DYRK1A: variants seen among roughly 807,000 people sequenced by gnomAD.
The protein encoded by DYRK1A is dual specificity tyrosine phosphorylation regulated kinase 1A.
A neutral mutation model predicts 79.7 loss-of-function variants in DYRK1A; 9 were observed. That is an observed-to-expected ratio of 0.11 (90% CI 0.07 to 0.20). The LOEUF is 0.20. Ranked by LOEUF, DYRK1A falls within the 10% of genes least tolerant of loss-of-function variation. DYRK1A has a pLI of 1.00. For synonymous variants in DYRK1A, 349 were observed against 329.7 expected (o/e 1.06, Z -0.63); for missense variants, 622 against 956.0 (o/e 0.65, Z 4.61).
At chr21:37,390,075 C>T (rs1177776726) in intron 1 of DYRK1A, among the ~76,000 whole-genome samples, 1 of 151,910 alleles carries the variant, frequency 6.6e-6, no homozygotes, top group Non-Finnish European at 1.5e-5. Context: ...AGTTGTGAGC[C>T]ACTGTGCTCA....
rs797044523 is a variant in DYRK1A at position 37,480,756 on chromosome 21, T to TA, written c.425dup (p.Asn142LysfsTer12). On this transcript the variant is annotated frameshift_variant, in exon 5 of 12. Coordinates refer to ENST00000647188, the MANE Select transcript of DYRK1A (RefSeq NM_001347721.2). LOFTEE classifies it high-confidence loss of function. ...GATGATGATAACTATGATTATATTG[T>TA]AAAAAACGGAGAAAAGTGGATGGAT... The TA allele has an allele frequency of 6.2e-7, 1 of 1,612,756 alleles. No homozygotes were observed. The highest frequency in any genetic ancestry group is 8.5e-7 in the Non-Finnish European group (1 of 1,179,468).
At chr21:37,427,595 G>GT (rs1368935554) in intron 2 of DYRK1A, among the ~76,000 whole-genome samples, 2 of 152,086 alleles carry the variant, frequency 1.3e-5, no homozygotes, top group African/African-American at 4.8e-5. Flanking sequence ...CTATTATCGT[G>GT]TTTTTTGTTT....
chr21:37,437,552 CTT>C (rs2050961449), intron 2 of DYRK1A, among the ~76,000 whole-genome samples: 1 of 152,138 alleles, frequency 6.6e-6, no homozygotes, highest in South Asian at 2.1e-4. Context: ...ACTTGTGAAA[CTT>C]TTACCACAAG....
chr21:37,419,972 A>G (rs894145774), intron 1 of DYRK1A: 1 of 156,092 alleles, frequency 6.4e-6, no homozygotes, highest in African/African-American at 2.4e-5. Flanking sequence ...AAATTACAAA[A>G]TGTGGAGTTT....
At chr21:37,482,933 CTCTT>C (rs1373027684) in intron 5 of DYRK1A, among the ~76,000 whole-genome samples, 2 of 152,190 alleles carry the variant, frequency 1.3e-5, no homozygotes, top group African/African-American at 4.8e-5. Context: ...AAGATTATCT[CTCTT>C]GTTCCCTGAA....
chr21:37,517,412 T>A lies in DYRK1A; in HGVS notation c.*4881T>A, dbSNP rs1303320808. 6.6e-6 allele frequency: 1 copy of A among 152,232 alleles called. No individual in the cohort carries two copies. The highest frequency in any genetic ancestry group is 1.9e-4 in the East Asian group (1 of 5,204). 9.4% of individuals were successfully genotyped at this position (152,232 alleles called of 1,614,324 possible). A position where few individuals can be genotyped will look rare whatever the true frequency, so the allele number is the denominator to read the frequency against. On this transcript the variant is annotated 3_prime_UTR_variant, in exon 12 of 12. Coordinates refer to ENST00000647188, the MANE Select transcript of DYRK1A (RefSeq NM_001347721.2). The stretch of plus-strand genomic sequence containing the variant: ...TGTTTCATCTGTCTGAAAGACCAGC[T>A]ATTTGATAATCTTCCCGATTAAATT...
intron 2 of DYRK1A, among the ~76,000 whole-genome samples, chr21:37,453,820 T>C (rs1429393551): frequency 6.6e-6 from 1 of 152,174 alleles, no homozygotes; most frequent in Non-Finnish European, 1.5e-5. Flanking sequence ...AGCCTCTTTT[T>C]TTACGTACAA....
chr21:37,404,370 A>G (rs1365343682), intron 1 of DYRK1A, among the ~76,000 whole-genome samples: 2 of 152,126 alleles, frequency 1.3e-5, no homozygotes, highest in African/African-American at 4.8e-5. Flanking sequence ...GATCCCCCAG[A>G]CTTGCTCATT....
chr21:37,445,191 A>G (rs2051227700), intron 2 of DYRK1A, among the ~76,000 whole-genome samples: 1 of 152,202 alleles, frequency 6.6e-6, no homozygotes, highest in African/African-American at 2.4e-5. Flanking sequence ...AATTAATACT[A>G]TAAAGTTAGA....
rs753226962 is a variant in DYRK1A, at chr21:37,512,485, C to T, written c.2219C>T (p.Pro740Leu). 1.9e-6 allele frequency: 3 copies of T among 1,614,198 alleles called. No homozygotes were observed. The highest frequency in any genetic ancestry group is 2.5e-6 in the Non-Finnish European group (3 of 1,180,040). The change falls in exon 12 of 12, where the codon CCC becomes CTC. Residue 740 changes from proline (P) to leucine (L), a missense_variant. Pro to Leu is a moderately conservative substitution (Grantham distance 98). This residue lies in a region of DYRK1A where 292 missense variants were observed against 316.7 expected (regional missense o/e 0.92). Coordinates refer to ENST00000647188, the MANE Select transcript of DYRK1A (RefSeq NM_001347721.2). ...CAAGGGGCTGATAGAGAAGAGTCCC[C>T]CATGACAGGAGTTTGTGTGCAACAG... is the stretch of plus-strand genomic sequence containing the variant. ...MRQGADREESPMTGVCVQQSP... is the reference protein window; with the variant it reads ...MRQGADREESLMTGVCVQQSP...
At chr21:37,451,892 A>G (rs1191539517) in intron 2 of DYRK1A, among the ~76,000 whole-genome samples, 1 of 152,130 alleles carries the variant, frequency 6.6e-6, no homozygotes, top group Non-Finnish European at 1.5e-5. Flanking sequence ...TTTGAGTTGA[A>G]GACTTCTAGG....
rs59292132 is a variant in DYRK1A, at chr21:37,512,924, GTTT to G, written c.*403_*405del. Reference sequence around the variant, plus strand: ...TTTGCATAAAGGGCCCCATGAGGGTGTTTTTTTTTTTTCTTTTTGTCCCCCCCA... The same window carrying G: ...TTTGCATAAAGGGCCCCATGAGGGTGTTTTTTTTTCTTTTTGTCCCCCCCA... On this transcript the variant is annotated 3_prime_UTR_variant, in exon 12 of 12. Coordinates refer to ENST00000647188, the MANE Select transcript of DYRK1A (RefSeq NM_001347721.2). 1.7e-3 allele frequency: 192 copies of G among 114,276 alleles called. No individual in the cohort carries two copies. The highest frequency in any genetic ancestry group is 2.4e-3 in the Non-Finnish European group (128 of 54,120). The allele number at this position is 114,276 out of a possible 1,614,324, so 7.1% of individuals were successfully genotyped here.
intron 9 of DYRK1A, among the ~76,000 whole-genome samples, chr21:37,499,311 G>A (rs556624359): frequency 6.2e-4 from 94 of 152,242 alleles, no homozygotes; most frequent in African/African-American, 2.2e-3. Flanking sequence ...AGGGTGAAGG[G>A]GTTGAAGTTC....
chr21:37,397,292 C>T (rs561524484), intron 1 of DYRK1A, among the ~76,000 whole-genome samples: 2 of 152,114 alleles, frequency 1.3e-5, no homozygotes, highest in Admixed American at 6.5e-5. Context: ...TTCTGGGGAC[C>T]CTTTTTCCTC....
intron 1 of DYRK1A, among the ~76,000 whole-genome samples, chr21:37,390,312 C>T (rs568402258): frequency 2.0e-5 from 3 of 152,188 alleles, no homozygotes; most frequent in African/African-American, 7.2e-5. Flanking sequence ...AGGTATGGTA[C>T]AAATAGCTTA....
rs118084887 is a variant in DYRK1A at position 37,491,518 on chromosome 21, T to C, written c.924+1057T>C. The stretch of plus-strand genomic sequence containing the variant: ...CCTACTTTTGTCCAGGTTTTAACTA[T>C]AACAGATTAATTTAATCATAAGGAT... On this transcript the variant is annotated intron_variant, in intron 7 of 11. Coordinates refer to ENST00000647188, the MANE Select transcript of DYRK1A (RefSeq NM_001347721.2). 2.1e-3 allele frequency among the ~76,000 whole-genome samples: 318 copies of C among 152,322 alleles called. 1 individual carries two copies. The highest frequency in any genetic ancestry group is 3.9e-3 in the Non-Finnish European group (263 of 67,998).
chr21:37,472,804 G>A lies in DYRK1A; in HGVS notation c.131G>A (p.Arg44His), dbSNP rs780254690. 35 of 1,609,722 alleles carry A rather than the reference G, an allele frequency of 2.2e-5. No homozygotes were observed. The highest frequency in any genetic ancestry group is 2.8e-5 in the Non-Finnish European group (33 of 1,176,974). ...MPHSHQYSDR[R>H]QPNISDQQVS... is the part of the protein sequence containing the mutation. ...CATTCACATCAGTACAGTGACCGTC[G>A]CCAGCCAAACATAAGTGACCAACAG... The change falls in exon 3 of 12, where the codon CGC (arginine) becomes CAC (histidine). Residue 44 changes from arginine (R) to histidine (H), a missense_variant. Transcript: ENST00000647188.
At position 37,496,257 on chromosome 21, in the gene DYRK1A, G is replaced by A. The variant is rs770415010; in HGVS notation, c.1211G>A (p.Arg404Gln). 7 of 1,611,386 alleles carry A rather than the reference G, an allele frequency of 4.3e-6. No individual in the cohort carries two copies. Among genetic ancestry groups the A allele is most frequent in the East Asian group, 4.5e-5 (2 of 44,852 alleles). ...WNLKKTKDGKREYKPPGTRKL... is the reference protein window; with the variant it reads ...WNLKKTKDGKQEYKPPGTRKL... ...TTAAAGAAGACCAAAGATGGAAAACGGGTAAAATAAGGATATATCTGTTTT... is the reference window on the plus strand; with the variant it reads ...TTAAAGAAGACCAAAGATGGAAAACAGGTAAAATAAGGATATATCTGTTTT... Residue 404 changes from arginine (R) to glutamine (Q), a missense_variant and splice_region_variant, in exon 9 of 12, where the codon CGG (arginine) becomes CAG (glutamine). Arg to Gln is a conservative substitution (Grantham distance 43, BLOSUM62 1). Coordinates refer to ENST00000647188, the MANE Select transcript of DYRK1A (RefSeq NM_001347721.2).
chr21:37,455,903 A>G (rs540521880), intron 2 of DYRK1A, among the ~76,000 whole-genome samples: 1 of 152,200 alleles, frequency 6.6e-6, no homozygotes, highest in African/African-American at 2.4e-5. Flanking sequence ...CCAAAGCGAC[A>G]CAGAAGTTGG....
Sources: gnomAD v4.1 joint callset for allele counts (sites outside exome capture counted in the v4.1 genomes callset) on GRCh38, gnomAD v4.1.1 for gene constraint, gnomAD v4.1.1 regional missense constraint, MANE v1.5 for transcripts, NCBI Gene and HGNC (gene_info 2026-07-23, HGNC 2026-07-21) for gene names.